SEPTIN2: variants seen among roughly 807,000 people sequenced by gnomAD.
The protein encoded by SEPTIN2 is septin 2.
SEPTIN2 carries 34 observed loss-of-function variants against 46.5 expected under a neutral mutation model. The ratio of observed to expected loss-of-function variants is 0.73; its 90% confidence interval spans 0.56 to 0.97. SEPTIN2 has a LOEUF of 0.97. Ranked by LOEUF, SEPTIN2 falls within the 50% of genes least tolerant of loss-of-function variation. The pLI is 0.00. For missense variants in SEPTIN2, 347 were observed against 448.4 expected, an observed-to-expected ratio of 0.77 and a Z score of 2.04; for synonymous variants, 175 against 153.4, an observed-to-expected ratio of 1.14 and a Z score of -1.04.
In SEPTIN2 at chr2:241,335,135, G is replaced by A; in HGVS notation, c.140G>A (p.Gly47Asp). 6.2e-7 allele frequency: 1 copy of A among 1,611,692 alleles called. No individual in the cohort carries two copies. Among genetic ancestry groups the A allele is most frequent in the Non-Finnish European group, 8.5e-7 (1 of 1,178,028 alleles). The change falls in exon 4 of 13, where the codon GGT becomes GAT. Residue 47 changes from glycine (G) to aspartate (D), a missense_variant. By Grantham distance (94) the Gly-to-Asp change is moderately conservative. Transcript: ENST00000391971. ...EFTLMVVGESGLGKSTLINSL... is the reference protein window; with the variant it reads ...EFTLMVVGESDLGKSTLINSL... ...TTCTTTTTATTTAAAGGTGAATCAG[G>A]TCTAGGAAAATCGACTCTCATAAAC...
chr2:241,326,199 GAA>G, intron 3 of SEPTIN2, 86 bp downstream of exon 3: 1 of 1,296,526 alleles, frequency 7.7e-7, no homozygotes, highest in Non-Finnish European at 1.0e-6. Context: ...GACCTATAAA[GAA>G]AGAGGAAAAT....
chr2:241,326,004 T>C lies in SEPTIN2; in HGVS notation c.21T>C (p.Thr7=). The change falls in exon 3 of 13, where the codon ACT becomes ACC. Residue 7 remains threonine (T), a synonymous_variant. Transcript: ENST00000391971. MSKQQP[T]QFINPETPGY... ...TTAATCTTATTTAGCAACAGCCAAC[T>C]CAGTTTATAAATCCAGAAACACCTG... The C allele has an allele frequency of 6.2e-7, 1 of 1,612,864 alleles. No homozygotes were observed. Among genetic ancestry groups the C allele is most frequent in the Middle Eastern group, 1.7e-4 (1 of 6,054 alleles).
chr2:241,344,158 C>T (rs560182624), intron 9 of SEPTIN2, among the ~76,000 whole-genome samples: 1 of 152,228 alleles, frequency 6.6e-6, no homozygotes, highest in East Asian at 1.9e-4. Context: ...TTGCTAAGAT[C>T]TTACATCTTT....
chr2:241,324,659 A>G, intron 2 of SEPTIN2: 1 of 274,916 alleles, frequency 3.6e-6, no homozygotes, highest in Non-Finnish European at 7.2e-6. Flanking sequence ...TGTTGGGATT[A>G]CAGGTGTGAG....
chr2:241,352,321 C>T lies in SEPTIN2; in HGVS notation c.*384C>T, dbSNP rs950791912. ...ACTCCTGATTTTTATCTAGAACATT[C>T]AGATTTACCATAATGTTCCTTAGTG... is the stretch of plus-strand genomic sequence containing the variant. On this transcript the variant is annotated 3_prime_UTR_variant, in exon 13 of 13. Coordinates refer to ENST00000391971, the MANE Select transcript of SEPTIN2 (RefSeq NM_004404.5). The T allele has an allele frequency of 4.6e-5, 7 of 152,584 alleles. No homozygotes were observed. The highest frequency in any genetic ancestry group is 1.7e-4 in the African/African-American group (7 of 41,422). The allele number at this position is 152,584 out of a possible 1,614,324, so 9.5% of individuals were successfully genotyped here.
At chr2:241,345,274 G>A (rs902730931) in intron 9 of SEPTIN2, among the ~76,000 whole-genome samples, 1 of 152,224 alleles carries the variant, frequency 6.6e-6, no homozygotes, top group Non-Finnish European at 1.5e-5. Context: ...GCAATTTGTA[G>A]TGAGTTAAAA....
chr2:241,319,915 A>G (rs2076900315), intron 1 of SEPTIN2, among the ~76,000 whole-genome samples: 1 of 152,166 alleles, frequency 6.6e-6, no homozygotes, highest in Non-Finnish European at 1.5e-5. Flanking sequence ...TACTGTTTTC[A>G]TTATGATTGG....
At chr2:241,316,295 G>C (rs2076229539) in intron 1 of SEPTIN2, 3 of 478,684 alleles carry the variant, frequency 6.3e-6, no homozygotes, top group Non-Finnish European at 1.1e-5. Flanking sequence ...GCTGGGCCTC[G>C]GGGCGTCGAG....
chr2:241,335,356 G>C (rs10195565), intron 4 of SEPTIN2, 144 bp downstream of exon 4: 1 of 1,552,466 alleles, frequency 6.4e-7, no homozygotes, highest in Non-Finnish European at 8.7e-7. Context: ...TATGGGGTAG[G>C]TGTGCTGCAC....
intron 2 of SEPTIN2, chr2:241,324,636 T>C (rs2077651358): frequency 3.4e-6 from 1 of 295,348 alleles, no homozygotes; most frequent in South Asian, 2.7e-5. Flanking sequence ...CCACCCGCTT[T>C]GGCCCCCCGA....
intron 3 of SEPTIN2, among the ~76,000 whole-genome samples, chr2:241,329,255 G>C (rs2078562518): frequency 6.6e-6 from 1 of 151,758 alleles, no homozygotes; most frequent in Non-Finnish European, 1.5e-5. Flanking sequence ...CCTCCAAGTA[G>C]CTAAGATTAC....
At chr2:241,329,871 A>G (rs1230204759) in intron 3 of SEPTIN2, among the ~76,000 whole-genome samples, 12 of 152,254 alleles carry the variant, frequency 7.9e-5, no homozygotes, top group Non-Finnish European at 1.5e-5. Flanking sequence ...GAAGAGCAAC[A>G]GGCTATGACC....
chr2:241,349,736 G>A (rs7593970), intron 11 of SEPTIN2, among the ~76,000 whole-genome samples: 2,477 of 152,088 alleles, frequency 0.016, 45 homozygotes, highest in African/African-American at 0.043. Flanking sequence ...CAGGAGAATC[G>A]CTTGAACCCG....
At position 241,317,340 on chromosome 2, in the gene SEPTIN2, G is replaced by T. The variant is rs555602141; in HGVS notation, c.-18+1358G>T. ...ACTTCCACCTTGATTTCTCTCACCA[G>T]TGCCACAGCCAGGAATAAAGAACAA... On this transcript the variant is annotated intron_variant, in intron 1 of 12. Coordinates refer to ENST00000391971, the MANE Select transcript of SEPTIN2 (RefSeq NM_004404.5). Among the ~76,000 whole-genome samples, 378 of 152,142 alleles carry T rather than the reference G, an allele frequency of 2.5e-3. 3 individuals carry two copies. The highest frequency in any genetic ancestry group is 3.5e-3 in the Non-Finnish European group (239 of 68,022).
intron 11 of SEPTIN2, among the ~76,000 whole-genome samples, chr2:241,349,327 C>T (rs912436167): frequency 1.3e-5 from 2 of 151,402 alleles, no homozygotes; most frequent in Non-Finnish European, 2.9e-5. Flanking sequence ...TATGATTGTG[C>T]CACTGCAGTC....
intron 7 of SEPTIN2, among the ~76,000 whole-genome samples, chr2:241,341,526 G>A (rs1575343064): frequency 2.6e-5 from 4 of 152,164 alleles, no homozygotes; most frequent in Admixed American, 6.5e-5. Context: ...GAGGACAGGT[G>A]AGCAAGTTCA....
chr2:241,322,786 T>C (rs2077335460), intron 1 of SEPTIN2, among the ~76,000 whole-genome samples: 1 of 152,104 alleles, frequency 6.6e-6, no homozygotes, highest in Admixed American at 6.5e-5. Flanking sequence ...CTCCAGTGGG[T>C]GGCAAACATG....
At chr2:241,350,370 C>T (rs745604366) in intron 12 of SEPTIN2, among the ~76,000 whole-genome samples, 167 bp downstream of exon 12, 9 of 152,158 alleles carry the variant, frequency 5.9e-5, no homozygotes, top group Non-Finnish European at 1.3e-4. Flanking sequence ...GAAGCCACTA[C>T]TTTGCCACCT....
At chr2:241,319,155 A>G (rs1295468580) in intron 1 of SEPTIN2, among the ~76,000 whole-genome samples, 3 of 152,262 alleles carry the variant, frequency 2.0e-5, no homozygotes, top group Non-Finnish European at 4.4e-5. Context: ...TTCACATGAA[A>G]AAAATGAGAG....
Sources: gnomAD v4.1 joint callset for allele counts (sites outside exome capture counted in the v4.1 genomes callset) on GRCh38, gnomAD v4.1.1 for gene constraint, MANE v1.5 for transcripts, NCBI Gene and HGNC (gene_info 2026-07-23, HGNC 2026-07-21) for gene names.